The following ANO4 variants were observed in gnomAD, a reference collection of about 807,000 sequenced individuals.
The protein encoded by ANO4 is anoctamin 4.
Under a neutral mutation model 141.9 loss-of-function variants are expected in ANO4, and 69 were observed. That is an observed-to-expected ratio of 0.49 (90% CI 0.40 to 0.59). ANO4 has a LOEUF of 0.59. Among genes scored for constraint, ANO4 ranks in the 20% least tolerant of loss-of-function variants. ANO4 has a pLI of 0.00. For synonymous variants in ANO4, 350 were observed against 394.3 expected, an observed-to-expected ratio of 0.89 and a Z score of 1.33; for missense variants, 894 against 1,162.2, an observed-to-expected ratio of 0.77 and a Z score of 3.36.
At chr12:101,086,107 T>TGC (rs1435907612) in intron 16 of ANO4, among the ~76,000 whole-genome samples, 1 of 151,138 alleles carries the variant, frequency 6.6e-6, no homozygotes, top group East Asian at 2.0e-4. Flanking sequence ...TGTGTGTGTG[T>TGC]GTGTGTGTGT....
chr12:100,979,913 T>C (rs1393342385), intron 7 of ANO4, among the ~76,000 whole-genome samples: 1 of 147,408 alleles, frequency 6.8e-6, no homozygotes, highest in Non-Finnish European at 1.5e-5. Context: ...TTTTTTTTTT[T>C]GTATTTTTAG....
intron 1 of ANO4, among the ~76,000 whole-genome samples, chr12:100,864,333 G>T (rs1225640945): frequency 6.6e-6 from 1 of 152,120 alleles, no homozygotes; most frequent in Admixed American, 6.5e-5. Context: ...AGGAGGAAAG[G>T]CAGGCCCCCA....
rs200249882 is a variant in ANO4, at chr12:101,116,825, G to C, written c.2570+27G>C. On this transcript the variant is annotated intron_variant, in intron 25 of 27. Coordinates refer to ENST00000392977, the MANE Select transcript of ANO4 (RefSeq NM_001286615.2). ...TGAGTGTGGCACCCAGCGTGGCTCT[G>C]CCTGAGCTGGGCTGGCTCCACCGTG... 3.0e-5 allele frequency: 48 copies of C among 1,613,794 alleles called. No homozygotes were observed. In the Middle Eastern group the frequency reaches 6.8e-4, roughly 23 times the overall value.
chr12:100,732,616 A>G lies in ANO4; in HGVS notation c.23-1158A>G, dbSNP rs1341324360. ...TCATGGATCTTGTCTTTGGCGTTAT[A>G]TCTAAAACATCACTGCCATCTAGAT... On this transcript the variant is annotated intron_variant, in intron 1 of 29. Coordinates refer to the ANO4 transcript ENST00000644049. 2.0e-5 allele frequency among the ~76,000 whole-genome samples: 3 copies of G among 152,128 alleles called. No individual in the cohort carries two copies. In the East Asian group the frequency reaches 5.8e-4, roughly 29 times the overall value.
At chr12:100,736,085 G>C (rs2031596858) in intron 2 of ANO4, among the ~76,000 whole-genome samples, 1 of 152,190 alleles carries the variant, frequency 6.6e-6, no homozygotes, top group Non-Finnish European at 1.5e-5. Flanking sequence ...AGGACAGACT[G>C]AGGAGGTTGA....
At chr12:100,924,659 A>G (rs546029274) in intron 3 of ANO4, among the ~76,000 whole-genome samples, 1 of 152,282 alleles carries the variant, frequency 6.6e-6, no homozygotes, top group Non-Finnish European at 1.5e-5. Context: ...AGAGAAAATA[A>G]CTTTTCATGG....
intron 13 of ANO4, among the ~76,000 whole-genome samples, chr12:101,047,032 C>G (rs954193093): frequency 6.6e-6 from 1 of 152,132 alleles, no homozygotes; most frequent in African/African-American, 2.4e-5. Context: ...GGCGGATCAC[C>G]TGAGGTCAGG....
At chr12:100,979,669 T>C (rs1192839161) in intron 7 of ANO4, among the ~76,000 whole-genome samples, 1 of 152,090 alleles carries the variant, frequency 6.6e-6, no homozygotes, top group East Asian at 1.9e-4. Context: ...ATGTTCTCCA[T>C]GTGTGCAGAG....
intron 22 of ANO4, among the ~76,000 whole-genome samples, chr12:101,105,493 T>C (rs2050404358): frequency 6.6e-6 from 1 of 152,206 alleles, no homozygotes. Flanking sequence ...GAAAATCAGA[T>C]GGTTGGTCAA....
intron 22 of ANO4, among the ~76,000 whole-genome samples, chr12:101,107,784 A>G (rs1287391299): frequency 6.6e-6 from 1 of 152,154 alleles, no homozygotes; most frequent in East Asian, 1.9e-4. Context: ...GGTTGAACCA[A>G]CATTTTAGGC....
chr12:100,967,739 G>A (rs1363599716), intron 5 of ANO4, among the ~76,000 whole-genome samples: 1 of 152,050 alleles, frequency 6.6e-6, no homozygotes. Flanking sequence ...TTTACATGAA[G>A]GAAAGCCTCT....
At chr12:100,882,608 A>G (rs986526931) in intron 1 of ANO4, among the ~76,000 whole-genome samples, 3 of 152,092 alleles carry the variant, frequency 2.0e-5, no homozygotes, top group African/African-American at 7.2e-5. Context: ...GTGTCCATGA[A>G]TGATGTAAGA....
chr12:100,872,197 G>A (rs2039070321), intron 1 of ANO4, among the ~76,000 whole-genome samples: 1 of 152,118 alleles, frequency 6.6e-6, no homozygotes, highest in Non-Finnish European at 1.5e-5. Context: ...ATTAAGCTTT[G>A]AGAATCCAAG....
intron 3 of ANO4, among the ~76,000 whole-genome samples, chr12:100,767,531 G>A (rs2033138296): frequency 6.6e-6 from 1 of 152,162 alleles, no homozygotes; most frequent in Non-Finnish European, 1.5e-5. Flanking sequence ...TGGTTAATCT[G>A]ATAATTTAGA....
intron 8 of ANO4, among the ~76,000 whole-genome samples, chr12:100,997,534 A>G (rs1326258782): frequency 6.6e-6 from 1 of 151,952 alleles, no homozygotes; most frequent in African/African-American, 2.4e-5. Flanking sequence ...AATGGTAAAA[A>G]TATAAATGAA....
At chr12:100,800,621 A>G (rs538564662) in intron 1 of ANO4, among the ~76,000 whole-genome samples, 16 of 152,352 alleles carry the variant, frequency 1.1e-4, no homozygotes, top group African/African-American at 3.4e-4. Flanking sequence ...CAAATTAGCT[A>G]AACTTATTTG....
intron 17 of ANO4, among the ~76,000 whole-genome samples, chr12:101,092,423 C>T (rs1947351399): frequency 6.6e-6 from 1 of 152,120 alleles, no homozygotes; most frequent in African/African-American, 2.4e-5. Flanking sequence ...TTAGATTTTC[C>T]ACTGCTCTTA....
At chr12:100,754,574 A>G (rs1035415623) in intron 3 of ANO4, among the ~76,000 whole-genome samples, 8 of 152,340 alleles carry the variant, frequency 5.3e-5, no homozygotes, top group Admixed American at 5.2e-4. Context: ...TATATATCCA[A>G]AAGAATTGAA....
At position 100,974,907 on chromosome 12, in the gene ANO4, T is replaced by C; in HGVS notation, c.602+18T>C. On this transcript the variant is annotated intron_variant, in intron 7 of 27. Coordinates refer to ENST00000392977, the MANE Select transcript of ANO4 (RefSeq NM_001286615.2). ...ATGAGCAGGTTAGTAGCACGCTCTGTCCTGACAGTGTTTGTCTTTCTGTTG... is the reference window on the plus strand; with the variant it reads ...ATGAGCAGGTTAGTAGCACGCTCTGCCCTGACAGTGTTTGTCTTTCTGTTG... 1 of 1,613,748 alleles carries C rather than the reference T, an allele frequency of 6.2e-7. No homozygotes were observed. Among genetic ancestry groups the C allele is most frequent in the Non-Finnish European group, 8.5e-7 (1 of 1,179,690 alleles).
Sources: allele counts gnomAD v4.1 joint callset (sites outside exome capture counted in the v4.1 genomes callset), GRCh38; gene constraint gnomAD v4.1.1; transcripts MANE v1.5; gene names NCBI Gene and HGNC (gene_info 2026-07-23, HGNC 2026-07-21).